The following ZNF181 variants were observed in gnomAD, a reference collection of about 807,000 sequenced individuals.
ZNF181 encodes zinc finger protein 181.
A neutral mutation model predicts 11.9 loss-of-function variants in ZNF181; 8 were observed. That is an observed-to-expected ratio of 0.67 (90% CI 0.39 to 1.21). ZNF181 has a LOEUF of 1.21. Ranked by LOEUF, ZNF181 falls within the 50% of genes most tolerant of loss-of-function variation. ZNF181 has a pLI of 0.01. For synonymous variants in ZNF181, 202 were observed against 221.1 expected (o/e 0.91, Z 0.77); for missense variants, 542 against 670.9 (o/e 0.81, Z 2.12).
chr19:34,742,108 A>C lies in ZNF181; in HGVS notation c.*11A>C, dbSNP rs1346136244. 2.0e-6 allele frequency: 3 copies of C among 1,523,594 alleles called. No individual in the cohort carries two copies. Among genetic ancestry groups the C allele is most frequent in the Non-Finnish European group, 2.6e-6 (3 of 1,138,560 alleles). The allele number at this position is 1,523,594 out of a possible 1,614,324, so 94.4% of individuals were successfully genotyped here. ...AGAGAAACTGTATGAAGCAGTGGTTATCATGGTAAATTTCCTAGATTCTCC... is the reference window on the plus strand; with the variant it reads ...AGAGAAACTGTATGAAGCAGTGGTTCTCATGGTAAATTTCCTAGATTCTCC... On this transcript the variant is annotated 3_prime_UTR_variant, in exon 4 of 4. Transcript: ENST00000492450.
Position 34,740,703 on chromosome 19 carries a change from G to C in ZNF181, c.322G>C (p.Val108Leu), listed in dbSNP as rs770112177. 1.9e-6 allele frequency: 3 copies of C among 1,612,774 alleles called. No individual in the cohort carries two copies. In the Admixed American group the frequency reaches 5.0e-5, roughly 27 times the overall value. The change falls in exon 4 of 4, where the codon GTA becomes CTA. Residue 108 changes from valine to leucine, a missense_variant. Physicochemically the swap from Val to Leu is conservative, Grantham distance 32. Coordinates refer to ENST00000492450, the MANE Select transcript of ZNF181 (RefSeq NM_001029997.4). Reference sequence around the variant, plus strand: ...CCAAACAGTAATAATAGAAAAAGTTGTAAAACAAAGTTATGAATTTTCAAA... The same window carrying C: ...CCAAACAGTAATAATAGAAAAAGTTCTAAAACAAAGTTATGAATTTTCAAA... ...SPQTVIIEKV[V>L]KQSYEFSNSK...
chr19:34,734,360 G>C lies in ZNF181; in HGVS notation c.-678G>C, dbSNP rs2068856106. On this transcript the variant is annotated 5_prime_UTR_variant, in exon 1 of 4. Coordinates refer to ENST00000492450, the MANE Select transcript of ZNF181 (RefSeq NM_001029997.4). ...AGCGACGCGGGGCGCCTGCGGGGAC[G>C]GTGAGGCCCTGCTGAGGACTCCGGC... 1 of 152,456 alleles carries C rather than the reference G, an allele frequency of 6.6e-6. No homozygotes were observed. Among genetic ancestry groups the C allele is most frequent in the Non-Finnish European group, 1.5e-5 (1 of 68,224 alleles). 9.4% of individuals were successfully genotyped at this position (152,456 alleles called of 1,614,324 possible).
chr19:34,742,107 TATC>T lies in ZNF181; in HGVS notation c.*13_*15del, dbSNP rs757383221. The T allele has an allele frequency of 6.6e-7, 1 of 1,526,434 alleles. No homozygotes were observed. Among genetic ancestry groups the T allele is most frequent in the Admixed American group, 2.2e-5 (1 of 45,098 alleles). 94.6% of individuals were successfully genotyped at this position (1,526,434 alleles called of 1,614,324 possible). ...AAGAGAAACTGTATGAAGCAGTGGT[TATC>T]ATGGTAAATTTCCTAGATTCTCCCT... On this transcript the variant is annotated 3_prime_UTR_variant, in exon 4 of 4. Transcript: ENST00000492450.
At chr19:34,739,035 C>T in intron 1 of ZNF181, 113 bp from the exon 2 acceptor site, 1 of 1,492,902 alleles carries the variant, frequency 6.7e-7, no homozygotes, top group Non-Finnish European at 9.0e-7. Flanking sequence ...CAATCATTGC[C>T]ACAACTCCTG....
chr19:34,740,461 C>A, intron 3 of ZNF181, 150 bp from the exon 4 acceptor site: 1 of 802,202 alleles, frequency 1.2e-6, no homozygotes, highest in South Asian at 1.9e-5. Context: ...GAGCACTGTT[C>A]AGAAATCATT....
chr19:34,737,615 C>T (rs1256136227), intron 1 of ZNF181, among the ~76,000 whole-genome samples: 5 of 152,158 alleles, frequency 3.3e-5, no homozygotes, highest in Non-Finnish European at 7.3e-5. Context: ...GAAACGTACC[C>T]CTTTATTTTT....
In ZNF181 at chr19:34,741,413, T is replaced by C. The variant is rs2607243; in HGVS notation, c.1032T>C (p.Thr344=). The change falls in exon 4 of 4, where the codon ACT becomes ACC. Residue 344 remains threonine, a synonymous_variant. Transcript: ENST00000492450. ...TTATTGAACATCTAAGAATTCATAC[T>C]CAAGAAAAACTCTATGAGTGTCGTA... ...SHLIEHLRIH[T]QEKLYECRIC... The C allele has an allele frequency of 1.5e-5, 25 of 1,613,626 alleles. No individual in the cohort carries two copies. The highest frequency in any genetic ancestry group is 1.8e-5 in the Non-Finnish European group (21 of 1,179,778).
chr19:34,736,195 A>T, intron 1 of ZNF181: 1 of 702,910 alleles, frequency 1.4e-6, no homozygotes, highest in South Asian at 1.5e-5. Context: ...TGAAGCTTGC[A>T]TAGGAGGGGA....
At position 34,745,075 on chromosome 19, in the gene ZNF181, T is replaced by C. The variant is rs191390559; in HGVS notation, c.*2978T>C. ...ATAAGAGACTATTACTTTGTTATGA[T>C]AGAAGGTTGGGCTGATGTCATAATG... is the stretch of plus-strand genomic sequence containing the variant. On this transcript the variant is annotated 3_prime_UTR_variant, in exon 4 of 4. Transcript: ENST00000492450. The C allele has an allele frequency of 3.3e-5, 5 of 152,322 alleles. No individual in the cohort carries two copies. The South Asian group carries it at 8.3e-4, about 25-fold the overall frequency. The allele number at this position is 152,322 out of a possible 1,614,324, so 9.4% of individuals were successfully genotyped here.
In ZNF181 at chr19:34,740,978, A is replaced by C. The variant is rs1383236118; in HGVS notation, c.597A>C (p.Lys199Asn). The change falls in exon 4 of 4, where the codon AAA (lysine) becomes AAC (asparagine). Residue 199 changes from lysine to asparagine, a missense_variant. By Grantham distance (94) the Lys-to-Asn change is moderately conservative. Coordinates refer to ENST00000492450, the MANE Select transcript of ZNF181 (RefSeq NM_001029997.4). Reference protein sequence around the residue: ...KKNLPKKSVIKNEKVNGGKKL... With the variant: ...KKNLPKKSVINNEKVNGGKKL... The stretch of plus-strand genomic sequence containing the variant: ...ACTTACCAAAAAAGTCAGTTATAAA[A>C]AATGAGAAAGTCAATGGTGGAAAGA... 6.2e-7 allele frequency: 1 copy of C among 1,614,012 alleles called. No homozygotes were observed. The highest frequency in any genetic ancestry group is 8.5e-7 in the Non-Finnish European group (1 of 1,180,012).
intron 3 of ZNF181, among the ~76,000 whole-genome samples, chr19:34,740,308 T>C (rs2068950111): frequency 6.6e-6 from 1 of 152,240 alleles, no homozygotes; most frequent in African/African-American, 2.4e-5. Flanking sequence ...AAATGATGGC[T>C]TGGAATCCAG....
At chr19:34,736,730 T>C (rs1387141351) in intron 1 of ZNF181, among the ~76,000 whole-genome samples, 5 of 152,266 alleles carry the variant, frequency 3.3e-5, no homozygotes, top group African/African-American at 1.2e-4. Flanking sequence ...TAAATGTATG[T>C]AGCCAAATTG....
rs1457640711 is a variant in ZNF181, at chr19:34,743,539, G to T, written c.*1442G>T. Reference sequence around the variant, plus strand: ...ATGTGCCTGTGCGTGTGTGTATGCGGTGTGCTGGGTGTTAATCTAGGTAAA... The same window carrying T: ...ATGTGCCTGTGCGTGTGTGTATGCGTTGTGCTGGGTGTTAATCTAGGTAAA... On this transcript the variant is annotated 3_prime_UTR_variant, in exon 4 of 4. Coordinates refer to ENST00000492450, the MANE Select transcript of ZNF181 (RefSeq NM_001029997.4). 6.6e-6 allele frequency: 1 copy of T among 152,220 alleles called. No homozygotes were observed. The highest frequency in any genetic ancestry group is 1.9e-4 in the East Asian group (1 of 5,194). 9.4% of individuals were successfully genotyped at this position (152,220 alleles called of 1,614,324 possible).
At chr19:34,739,479 A>G (rs754587258) in intron 2 of ZNF181, 44 bp from the exon 3 acceptor site, 1 of 1,611,296 alleles carries the variant, frequency 6.2e-7, no homozygotes, top group Non-Finnish European at 8.5e-7. Flanking sequence ...GGCCTCTCAT[A>G]ATAGAGGACC....
Position 34,741,093 on chromosome 19 carries a change from A to C in ZNF181, c.712A>C (p.Thr238Pro). The C allele has an allele frequency of 6.2e-7, 1 of 1,614,180 alleles. No individual in the cohort carries two copies. Among genetic ancestry groups the C allele is most frequent in the Non-Finnish European group, 8.5e-7 (1 of 1,179,982 alleles). The change falls in exon 4 of 4, where the codon ACA (threonine) becomes CCA (proline). Residue 238 changes from threonine to proline, a missense_variant. Transcript: ENST00000492450. The stretch of plus-strand genomic sequence containing the variant: ...GACTTGTAATAGAGAGAAAATCTAT[A>C]CATGCAGTGAATGTGGGAAAGCCTT... ...PQTCNREKIY[T>P]CSECGKAFGK... is the part of the protein sequence containing the mutation.
chr19:34,739,342 TAAGTA>T, intron 2 of ZNF181, 74 bp downstream of exon 2: 1 of 1,595,686 alleles, frequency 6.3e-7, no homozygotes, highest in Non-Finnish European at 8.5e-7. Flanking sequence ...GAGACCCTCC[TAAGTA>T]AATGGCTGAA....
rs1238673962 is a variant in ZNF181 at position 34,741,400 on chromosome 19, T to C, written c.1019T>C (p.Leu340Pro). The change falls in exon 4 of 4, where the codon CTA (leucine) becomes CCA (proline). Residue 340 changes from leucine (L) to proline (P), a missense_variant. Physicochemically the swap from Leu to Pro is moderately conservative, Grantham distance 98. Coordinates refer to ENST00000492450, the MANE Select transcript of ZNF181 (RefSeq NM_001029997.4). The part of the protein sequence containing the change: ...FSRVSHLIEH[L>P]RIHTQEKLYE... ...CGTGTGTCCCATCTTATTGAACATC[T>C]AAGAATTCATACTCAAGAAAAACTC... is the stretch of plus-strand genomic sequence containing the variant. The C allele has an allele frequency of 6.2e-7, 1 of 1,613,762 alleles. No individual in the cohort carries two copies. The highest frequency in any genetic ancestry group is 1.3e-5 in the African/African-American group (1 of 74,922).
In ZNF181 at chr19:34,742,589, T is replaced by C. The variant is rs1487347009; in HGVS notation, c.*492T>C. 1 of 152,420 alleles carries C rather than the reference T, an allele frequency of 6.6e-6. No individual in the cohort carries two copies. The highest frequency in any genetic ancestry group is 2.4e-5 in the African/African-American group (1 of 41,462). The allele number at this position is 152,420 out of a possible 1,614,324, so 9.4% of individuals were successfully genotyped here. On this transcript the variant is annotated 3_prime_UTR_variant, in exon 4 of 4. Transcript: ENST00000492450. Reference sequence around the variant, plus strand: ...ATTAATGGTAGAACAACCTGAAGGATTTAGGAGTTATGTGTAAATCTTTGC... The same window carrying C: ...ATTAATGGTAGAACAACCTGAAGGACTTAGGAGTTATGTGTAAATCTTTGC...
chr19:34,737,057 T>C (rs1487437800), intron 1 of ZNF181, among the ~76,000 whole-genome samples: 1 of 152,258 alleles, frequency 6.6e-6, no homozygotes, highest in African/African-American at 2.4e-5. Flanking sequence ...AAGGTCTTAC[T>C]TGATTATTTG....
Sources: allele counts gnomAD v4.1 joint callset (sites outside exome capture counted in the v4.1 genomes callset), GRCh38; gene constraint gnomAD v4.1.1; transcripts MANE v1.5; gene names NCBI Gene and HGNC (gene_info 2026-07-23, HGNC 2026-07-21).